The following CAV3 variants were observed in gnomAD, a reference collection of about 807,000 sequenced individuals.
The protein encoded by CAV3 is caveolin-3.
Under a neutral mutation model 13.4 loss-of-function variants are expected in CAV3, and 10 were observed. That is an observed-to-expected ratio of 0.75 (90% CI 0.46 to 1.27). The LOEUF (loss-of-function observed/expected upper bound fraction) is 1.27. CAV3 is among the 50% of genes most tolerant of loss of function. CAV3 has a pLI of 0.00. For missense variants in CAV3, 162 were observed against 194.0 expected, an observed-to-expected ratio of 0.83 and a Z score of 0.98; for synonymous variants, 90 against 79.0, an observed-to-expected ratio of 1.14 and a Z score of -0.74.
At chr3:8,735,850 C>G (rs1040694663) in intron 1 of CAV3, among the ~76,000 whole-genome samples, 1 of 152,208 alleles carries the variant, frequency 6.6e-6, no homozygotes, top group Non-Finnish European at 1.5e-5. Flanking sequence ...CAAATGCAAC[C>G]TCCTCCAGAA....
chr3:8,734,729 T>C (rs1707691041), intron 1 of CAV3, among the ~76,000 whole-genome samples: 1 of 152,014 alleles, frequency 6.6e-6, no homozygotes, highest in Admixed American at 6.5e-5. Context: ...GATCTTTCTT[T>C]TTTCTTTTTG....
At chr3:8,738,458 C>G (rs116656641) in intron 1 of CAV3, among the ~76,000 whole-genome samples, 1 of 152,106 alleles carries the variant, frequency 6.6e-6, no homozygotes, top group Admixed American at 6.6e-5. Flanking sequence ...CCTCCCTTGG[C>G]GGGGAATCCA....
chr3:8,742,461 CT>C (rs1192064832), intron 1 of CAV3: 1 of 456,338 alleles, frequency 2.2e-6, no homozygotes, highest in Non-Finnish European at 4.4e-6. Context: ...GTACTTACTA[CT>C]GTAAGGAAAG....
chr3:8,744,309 C>T (rs539183581), intron 1 of CAV3, among the ~76,000 whole-genome samples: 20 of 137,146 alleles, frequency 1.5e-4, no homozygotes, highest in Admixed American at 7.6e-4. Flanking sequence ...GATGGAGTCT[C>T]GCTCTGTCAC....
Position 8,745,166 on chromosome 3 carries a change from A to T in CAV3, c.115-360A>T, listed in dbSNP as rs1038115964. The T allele has an allele frequency of 2.2e-5, 6 of 275,632 alleles. No homozygotes were observed. Among genetic ancestry groups the T allele is most frequent in the Non-Finnish European group, 3.5e-5 (5 of 141,032 alleles). The allele number at this position is 275,632 out of a possible 1,614,324, so 17.1% of individuals were successfully genotyped here. ...AGATCTGGTTGTTGTAAAGTGTGGC[A>T]CTCCACCCCCTGCCCAGCTCTCTCT... On this transcript the variant is annotated intron_variant, in intron 1 of 1. Transcript: ENST00000343849. This position sits in a 1 kb window ranked among gnomAD's most constrained non-coding sequence, Gnocchi z 4.8.
chr3:8,741,847 G>A (rs1014217408), intron 1 of CAV3, among the ~76,000 whole-genome samples: 1 of 152,070 alleles, frequency 6.6e-6, no homozygotes. Context: ...CAGAGACTGC[G>A]GGGACTGCGC....
chr3:8,735,419 T>C (rs944367514), intron 1 of CAV3, among the ~76,000 whole-genome samples: 1 of 152,262 alleles, frequency 6.6e-6, no homozygotes, highest in Non-Finnish European at 1.5e-5. Flanking sequence ...AAATGCTTGT[T>C]CTGCATTTAG....
chr3:8,736,131 C>G (rs1438779514), intron 1 of CAV3, among the ~76,000 whole-genome samples: 1 of 152,180 alleles, frequency 6.6e-6, no homozygotes, highest in Non-Finnish European at 1.5e-5. Flanking sequence ...TCAGTGTCAT[C>G]TAGCAGGAAT....
chr3:8,734,489 C>A (rs1707682042), intron 1 of CAV3, among the ~76,000 whole-genome samples: 1 of 151,984 alleles, frequency 6.6e-6, no homozygotes, highest in Non-Finnish European at 1.5e-5. Context: ...TCCCCAAGGC[C>A]GAGGGCCATG....
rs1482026251 is a variant in CAV3 at position 8,746,245 on chromosome 3, G to T, written c.*378G>T. On this transcript the variant is annotated 3_prime_UTR_variant, in exon 2 of 2. Coordinates refer to ENST00000343849, the MANE Select transcript of CAV3 (RefSeq NM_033337.3). ...AGTGACCAGTGACCACTGGCGTTAG[G>T]AAGGTGGCTCCAGTAAAGGGTTTTG... 1 of 191,870 alleles carries T rather than the reference G, an allele frequency of 5.2e-6. No individual in the cohort carries two copies. Among genetic ancestry groups the T allele is most frequent in the Non-Finnish European group, 1.1e-5 (1 of 91,540 alleles). The allele number at this position is 191,870 out of a possible 1,614,324, so 11.9% of individuals were successfully genotyped here.
rs1457680496 is a variant in CAV3, at chr3:8,745,738, C to T, written c.327C>T (p.Ser109=). Residue 109 remains serine, a synonymous_variant, in exon 2 of 2, where the codon AGC becomes AGT. Transcript: ENST00000343849. This position sits in a 1 kb window ranked among gnomAD's most constrained non-coding sequence, Gnocchi z 4.8. ...GGGCGGTGGTGCCATGCATTAAGAG[C>T]TACCTGATCGAGATCCAGTGCATCA... ...HIWAVVPCIK[S]YLIEIQCISH... is the part of the protein sequence containing the mutation. The T allele has an allele frequency of 1.2e-6, 2 of 1,614,152 alleles. No individual in the cohort carries two copies. The highest frequency in any genetic ancestry group is 8.5e-7 in the Non-Finnish European group (1 of 1,180,028).
At position 8,745,448 on chromosome 3, in the gene CAV3, C is replaced by A. The variant is rs1182619404; in HGVS notation, c.115-78C>A. On this transcript the variant is annotated intron_variant, in intron 1 of 1. Coordinates refer to ENST00000343849, the MANE Select transcript of CAV3 (RefSeq NM_033337.3). This position sits in a 1 kb window ranked among gnomAD's most constrained non-coding sequence, Gnocchi z 4.8. ...TAACCTGACCTCTAGGGGATTCTGA[C>A]ACATGCACGCACACACCCAAAAGCT... The A allele has an allele frequency of 1.8e-6, 2 of 1,107,284 alleles. No individual in the cohort carries two copies. The highest frequency in any genetic ancestry group is 1.5e-5 in the African/African-American group (1 of 64,670). The allele number at this position is 1,107,284 out of a possible 1,614,324, so 68.6% of individuals were successfully genotyped here.
chr3:8,742,446 G>C, intron 1 of CAV3: 1 of 455,118 alleles, frequency 2.2e-6, no homozygotes, highest in Non-Finnish European at 4.4e-6. Context: ...ATTACTGTAA[G>C]TACTGTACTT....
chr3:8,739,479 G>A (rs1024725486), intron 1 of CAV3, among the ~76,000 whole-genome samples: 6 of 151,806 alleles, frequency 4.0e-5, no homozygotes, highest in African/African-American at 1.5e-4. Flanking sequence ...AAAGAGCCAG[G>A]TGTAGTGGTG....
At chr3:8,737,108 G>T (rs913514532) in intron 1 of CAV3, among the ~76,000 whole-genome samples, 6 of 152,184 alleles carry the variant, frequency 3.9e-5, no homozygotes, top group African/African-American at 1.4e-4. Flanking sequence ...GGAAGGAAAA[G>T]GGAATGAGGG....
intron 1 of CAV3, among the ~76,000 whole-genome samples, chr3:8,734,476 C>G (rs1385397959): frequency 6.6e-6 from 1 of 152,248 alleles, no homozygotes; most frequent in Non-Finnish European, 1.5e-5. Flanking sequence ...TGCCCAATAT[C>G]TGTCCCCAAG....
chr3:8,736,702 C>G (rs1035567977), intron 1 of CAV3, among the ~76,000 whole-genome samples: 3 of 152,288 alleles, frequency 2.0e-5, no homozygotes, highest in Admixed American at 6.5e-5. Context: ...CTTTACGCAG[C>G]CCTCCTGGGG....
In CAV3 at chr3:8,733,867, C is replaced by T; in HGVS notation, c.-10C>T. On this transcript the variant is annotated 5_prime_UTR_variant, in exon 1 of 2. Transcript: ENST00000343849. The stretch of plus-strand genomic sequence containing the variant: ...TCGGATCTCCTCCTGTGGATCCCCC[C>T]AGCTCTGCGATGATGGCAGAAGAGC... 3.8e-6 allele frequency: 6 copies of T among 1,563,662 alleles called. No homozygotes were observed. Among genetic ancestry groups the T allele is most frequent in the Non-Finnish European group, 5.3e-6 (6 of 1,133,926 alleles).
Position 8,733,937 on chromosome 3 carries a change from G to T in CAV3, c.61G>T (p.Glu21Ter). The T allele has an allele frequency of 6.2e-7, 1 of 1,613,686 alleles. No homozygotes were observed. The highest frequency in any genetic ancestry group is 8.5e-7 in the Non-Finnish European group (1 of 1,179,664). Reference sequence around the variant, plus strand: ...GATCGTCAAGGATATCCACTGCAAGGAGATTGACCTGGTGAACCGAGACCC... The same window carrying T: ...GATCGTCAAGGATATCCACTGCAAGTAGATTGACCTGGTGAACCGAGACCC... The part of the protein sequence containing the change: ...AQIVKDIHCK[E>*]IDLVNRDPKN... The change falls in exon 1 of 2, where the codon GAG becomes TAG. Residue 21 changes from glutamate to a stop codon, truncating the protein, a stop_gained. Transcript: ENST00000343849. LOFTEE classifies it high-confidence loss of function.
Sources: gnomAD v4.1 joint callset for allele counts (sites outside exome capture counted in the v4.1 genomes callset) on GRCh38, gnomAD v4.1.1 for gene constraint, Gnocchi (gnomAD v3.1) non-coding constraint, MANE v1.5 for transcripts, NCBI Gene and HGNC (gene_info 2026-07-23, HGNC 2026-07-21) for gene names.